Variants in CPVL observed in about 807,000 individuals in gnomAD.
CPVL encodes the protein probable serine carboxypeptidase CPVL.
A neutral mutation model predicts 63.7 loss-of-function variants in CPVL; 51 were observed. The observed-to-expected ratio is 0.80, with a 90% CI of 0.64 to 1.01. The LOEUF is 1.01. Among genes scored for constraint, CPVL ranks in the 50% least tolerant of loss-of-function variants. The probability of loss-of-function intolerance (pLI) is 0.00; values close to 1 mark genes in which losing one functional copy is unlikely to be tolerated. For missense variants in CPVL, 530 were observed against 573.1 expected (o/e 0.92, Z 0.77); for synonymous variants, 195 against 206.0 (o/e 0.95, Z 0.46).
intron 12 of CPVL, chr7:29,010,676 C>G (rs1318642016): frequency 1.3e-5 from 2 of 152,146 alleles, no homozygotes; most frequent in Admixed American, 1.3e-4. Flanking sequence ...TACAAAATGT[C>G]TCTTAAGGAC....
chr7:29,151,096 T>C (rs1793530612), upstream of CPVL, among the ~76,000 whole-genome samples: 1 of 152,112 alleles, frequency 6.6e-6, no homozygotes, highest in African/African-American at 2.4e-5. Context: ...CATGCCCTGA[T>C]CAACTTATTG....
At chr7:29,003,094 C>T (rs955628529) in intron 12 of CPVL, among the ~76,000 whole-genome samples, 1 of 151,468 alleles carries the variant, frequency 6.6e-6, no homozygotes, top group African/African-American at 2.4e-5. Context: ...AAACTAACCA[C>T]ATCATAGTAC....
At chr7:29,125,112 T>A (rs1343870996) in intron 1 of CPVL, 2 of 152,186 alleles carry the variant, frequency 1.3e-5, no homozygotes, top group Non-Finnish European at 2.9e-5. Context: ...TAATAATATT[T>A]ATTATCATAT....
At chr7:29,025,697 G>A (rs1403838432) in intron 12 of CPVL, among the ~76,000 whole-genome samples, 2 of 152,262 alleles carry the variant, frequency 1.3e-5, no homozygotes, top group South Asian at 4.1e-4. Context: ...AGGAGTAGCT[G>A]TACTTAGATA....
chr7:29,135,329 T>C (rs1412448613), intron 1 of CPVL, among the ~76,000 whole-genome samples: 1 of 150,048 alleles, frequency 6.7e-6, no homozygotes, highest in East Asian at 2.0e-4. Context: ...GCCAAAATTG[T>C]ATTAGATTTT....
At chr7:29,048,455 G>A (rs575133617) in intron 11 of CPVL, among the ~76,000 whole-genome samples, 1 of 152,178 alleles carries the variant, frequency 6.6e-6, no homozygotes, top group Non-Finnish European at 1.5e-5. Flanking sequence ...GCAGTTAAAA[G>A]AGACAAAGAA....
At chr7:29,111,568 C>T (rs369095785) in intron 3 of CPVL, among the ~76,000 whole-genome samples, 32 of 152,324 alleles carry the variant, frequency 2.1e-4, no homozygotes, top group African/African-American at 5.3e-4. Flanking sequence ...CCAGAAAAGA[C>T]GACAGGCTGA....
At chr7:29,155,881 A>T (rs921029381) in intron 5 of CPVL, among the ~76,000 whole-genome samples, 1 of 152,042 alleles carries the variant, frequency 6.6e-6, no homozygotes, top group Non-Finnish European at 1.5e-5. Context: ...ACCACATCGG[A>T]GCGTCCTGTC....
intron 2 of CPVL, among the ~76,000 whole-genome samples, chr7:29,114,399 G>T (rs926886403): frequency 6.6e-6 from 1 of 152,162 alleles, no homozygotes; most frequent in African/African-American, 2.4e-5. Flanking sequence ...TGCAGAGTTT[G>T]TTCCTTCCCC....
intron 12 of CPVL, among the ~76,000 whole-genome samples, chr7:29,015,735 A>G (rs1786342181): frequency 6.6e-6 from 1 of 152,196 alleles, no homozygotes; most frequent in Admixed American, 6.5e-5. Flanking sequence ...GCTACAGTTC[A>G]TCCTTCCCCA....
chr7:29,138,850 G>A (rs188367269), intron 1 of CPVL, among the ~76,000 whole-genome samples: 6 of 152,250 alleles, frequency 3.9e-5, no homozygotes, highest in Admixed American at 6.5e-5. Context: ...CTAATCCAGC[G>A]GGTACCTCTT....
chr7:29,168,428 C>A (rs1275320255), intron 5 of CPVL, among the ~76,000 whole-genome samples: 1 of 152,112 alleles, frequency 6.6e-6, no homozygotes, highest in African/African-American at 2.4e-5. Context: ...TCTAATAAGC[C>A]TCCATGTAGC....
intron 1 of CPVL, chr7:29,192,829 T>C (rs1783063843): frequency 6.6e-6 from 1 of 152,144 alleles, no homozygotes. Flanking sequence ...GATGGTAAAA[T>C]TCTACCGGGC....
chr7:29,004,138 C>T (rs1488638682), intron 12 of CPVL, among the ~76,000 whole-genome samples: 2 of 152,180 alleles, frequency 1.3e-5, no homozygotes, highest in Non-Finnish European at 2.9e-5. Context: ...AAATAATCTA[C>T]TATTATCAAG....
rs1428422319 is a variant in CPVL, at chr7:29,051,935, A to C, written c.1137+12126T>G. On this transcript the variant is annotated intron_variant, in intron 11 of 12. Coordinates refer to ENST00000265394, the MANE Select transcript of CPVL (RefSeq NM_031311.5). ...ATATATTCCACATATATATATTCCA[A>C]ATATATATATGAATATATATATATG... 3.2e-4 allele frequency among the ~76,000 whole-genome samples: 29 copies of C among 91,940 alleles called. No individual in the cohort carries two copies. In the South Asian group the frequency reaches 6.1e-3, roughly 19 times the overall value. The allele number at this position is 91,940 out of a possible 152,430, so 60.3% of individuals were successfully genotyped here.
At chr7:29,109,187 C>T (rs138197591) in intron 3 of CPVL, among the ~76,000 whole-genome samples, 1 of 152,200 alleles carries the variant, frequency 6.6e-6, no homozygotes, top group Non-Finnish European at 1.5e-5. Context: ...ATGCCTACTC[C>T]TTTCTCTTGC....
At chr7:29,000,389 G>A (rs907688705) in intron 12 of CPVL, among the ~76,000 whole-genome samples, 26 of 150,450 alleles carry the variant, frequency 1.7e-4, no homozygotes, top group Admixed American at 8.6e-4. Context: ...AGGGATCACC[G>A]CAGACAGAGG....
chr7:29,146,369 C>T, intron 1 of CPVL, 60 bp downstream of exon 1: 1 of 628,380 alleles, frequency 1.6e-6, no homozygotes. Flanking sequence ...GTCCGAGGGA[C>T]CGAGGCGAGG....
rs542212586 is a variant in CPVL, at chr7:29,171,970, C to T, written c.-11+9320G>A. On this transcript the variant is annotated intron_variant, in intron 5 of 16. Transcript: ENST00000409850. ...CTGTATCTGAAGTAATTGTCCTCCTCAACAGAGTGCACAATGCAGGGTGCA... is the reference window on the plus strand; with the variant it reads ...CTGTATCTGAAGTAATTGTCCTCCTTAACAGAGTGCACAATGCAGGGTGCA... 2.0e-5 allele frequency among the ~76,000 whole-genome samples: 3 copies of T among 152,280 alleles called. No individual in the cohort carries two copies. The South Asian group carries it at 6.2e-4, about 32-fold the overall frequency.
Sources: allele counts gnomAD v4.1 joint callset (sites outside exome capture counted in the v4.1 genomes callset), GRCh38; gene constraint gnomAD v4.1.1; transcripts MANE v1.5; gene names NCBI Gene and HGNC (gene_info 2026-07-23, HGNC 2026-07-21).